The following CIP2A variants were observed in gnomAD, a reference collection of about 807,000 sequenced individuals.
CIP2A encodes the protein protein CIP2A.
CIP2A carries 103 observed loss-of-function variants against 110.9 expected under a neutral mutation model. The ratio of observed to expected loss-of-function variants is 0.93; its 90% CI spans 0.79 to 1.09. CIP2A has a LOEUF of 1.09. Among genes scored for constraint, CIP2A ranks in the 50% least tolerant of loss-of-function variants. The pLI, the probability that CIP2A is intolerant of heterozygous loss-of-function variation, is 0.00. For synonymous variants in CIP2A, 381 were observed against 361.6 expected, an observed-to-expected ratio of 1.05 and a Z score of -0.61; for missense variants, 1,088 against 1,038.4, an observed-to-expected ratio of 1.05 and a Z score of -0.66.
At chr3:108,585,665 C>T (rs540638314) in intron 1 of CIP2A, 97 of 455,746 alleles carry the variant, frequency 2.1e-4, no homozygotes, top group Non-Finnish European at 3.7e-4. Context: ...ATTCTACTTA[C>T]TTTGAGGGAG....
chr3:108,562,839 G>A (rs1480681796), intron 13 of CIP2A, among the ~76,000 whole-genome samples: 1 of 152,086 alleles, frequency 6.6e-6, no homozygotes, highest in Non-Finnish European at 1.5e-5. Context: ...GGAGGATGTA[G>A]GCTTAAGAGT....
At chr3:108,589,120 G>T (rs191981286) in intron 1 of CIP2A, among the ~76,000 whole-genome samples, 154 bp downstream of exon 1, 22 of 152,300 alleles carry the variant, frequency 1.4e-4, no homozygotes, top group Admixed American at 1.3e-3. Flanking sequence ...GCGGAACCCC[G>T]ACACTCACTA....
At position 108,583,037 on chromosome 3, in the gene CIP2A, C is replaced by T; in HGVS notation, c.297G>A (p.Leu99=). Residue 99 remains leucine (L), a synonymous_variant, in exon 3 of 21, where the codon CTG becomes CTA. Transcript: ENST00000295746. Reference sequence around the variant, plus strand: ...AAACCACTCCCGCCAGCACACTATTCAGATTATATGTATTCTGAAGACAAT... The same window carrying T: ...AAACCACTCCCGCCAGCACACTATTTAGATTATATGTATTCTGAAGACAAT... ...TRDCLQNTYN[L]NSVLAGVVCR... is the part of the protein sequence containing the mutation. The T allele has an allele frequency of 6.2e-7, 1 of 1,607,176 alleles. No individual in the cohort carries two copies. Among genetic ancestry groups the T allele is most frequent in the Non-Finnish European group, 8.5e-7 (1 of 1,176,688 alleles).
rs768832281 is a variant in CIP2A, at chr3:108,553,121, G to GT, written c.2407+526dup. Among the ~76,000 whole-genome samples the GT allele has an allele frequency of 1.4e-3, 91 of 67,166 alleles. 3 individuals carry two copies. The highest frequency in any genetic ancestry group is 4.8e-3 in the East Asian group (8 of 1,666). 44.1% of individuals were successfully genotyped at this position (67,166 alleles called of 152,430 possible). On this transcript the variant is annotated intron_variant, in intron 19 of 20. Coordinates refer to ENST00000295746, the MANE Select transcript of CIP2A (RefSeq NM_020890.3). Reference sequence around the variant, plus strand: ...AATGGTCAATCATCTCTTTCCTTTTGTTTTTTTTTTTTTTTTTTTTTTTTT... The same window carrying GT: ...AATGGTCAATCATCTCTTTCCTTTTGTTTTTTTTTTTTTTTTTTTTTTTTTT...
Position 108,551,138 on chromosome 3 carries a change from T to C in CIP2A, c.*11A>G. On this transcript the variant is annotated 3_prime_UTR_variant, in exon 21 of 21. Coordinates refer to ENST00000295746, the MANE Select transcript of CIP2A (RefSeq NM_020890.3). ...TATCATGAGATTACAAATTCCAAAA[T>C]GCCATAATGTCTATATACTGAGATT... The C allele has an allele frequency of 3.5e-6, 4 of 1,156,606 alleles. No homozygotes were observed. Among genetic ancestry groups the C allele is most frequent in the Non-Finnish European group, 4.4e-6 (4 of 908,336 alleles). 71.6% of individuals were successfully genotyped at this position (1,156,606 alleles called of 1,614,324 possible). A position where few individuals can be genotyped will look rare whatever the true frequency, so the allele number is the denominator to read the frequency against.
intron 16 of CIP2A, among the ~76,000 whole-genome samples, chr3:108,558,902 T>A (rs1209604685): frequency 6.6e-6 from 1 of 152,144 alleles, no homozygotes; most frequent in Non-Finnish European, 1.5e-5. Flanking sequence ...AATCCTTATA[T>A]GCCAAACTAA....
At position 108,579,320 on chromosome 3, in the gene CIP2A, T is replaced by A; in HGVS notation, c.779A>T (p.Asp260Val). ...TRKYSVDLLMDLLKNPKIADY... is the reference protein window; with the variant it reads ...TRKYSVDLLMVLLKNPKIADY... ...AGCAATTTTAGGATTCTTAAGGAGA[T>A]CCATCAGTAGGTCAACTGAATACTT... The change falls in exon 7 of 21, where the codon GAT becomes GTT. Residue 260 changes from aspartate (D) to valine (V), a missense_variant. Asp to Val is a radical substitution (Grantham distance 152, BLOSUM62 -3). Coordinates refer to ENST00000295746, the MANE Select transcript of CIP2A (RefSeq NM_020890.3). 6.2e-6 allele frequency: 10 copies of A among 1,609,600 alleles called. No individual in the cohort carries two copies. The highest frequency in any genetic ancestry group is 6.0e-6 in the Non-Finnish European group (7 of 1,176,288).
At chr3:108,571,455 A>G (rs1938400220) in intron 8 of CIP2A, among the ~76,000 whole-genome samples, 1 of 152,160 alleles carries the variant, frequency 6.6e-6, no homozygotes, top group African/African-American at 2.4e-5. Context: ...TATGTAATGC[A>G]TGACTATATT....
Position 108,569,539 on chromosome 3 carries a change from A to G in CIP2A, c.963T>C (p.Phe321=). 6.2e-7 allele frequency: 1 copy of G among 1,612,842 alleles called. No individual in the cohort carries two copies. The highest frequency in any genetic ancestry group is 1.1e-5 in the South Asian group (1 of 91,058). Residue 321 remains phenylalanine, a synonymous_variant, in exon 9 of 21, where the codon TTT becomes TTC. Coordinates refer to ENST00000295746, the MANE Select transcript of CIP2A (RefSeq NM_020890.3). ...TGGCGCTGCCAGGTGGAGACTGTTC[A>G]AACATCATCTGAGTGAGCATATGGC... ...QLRHMLTQMM[F]EQSPPGSATL...
intron 17 of CIP2A, 136 bp from the exon 18 acceptor site, chr3:108,554,625 G>T: frequency 1.9e-6 from 1 of 534,266 alleles, no homozygotes; most frequent in South Asian, 2.7e-5. Flanking sequence ...TTATGAACAA[G>T]CAGGACATAA....
At chr3:108,588,420 C>G (rs2107381590) in intron 1 of CIP2A, among the ~76,000 whole-genome samples, 2 of 152,156 alleles carry the variant, frequency 1.3e-5, no homozygotes, top group Middle Eastern at 3.4e-3. Flanking sequence ...TGCTGTTGCT[C>G]TACTACTGGA....
At position 108,550,483 on chromosome 3, in the gene CIP2A, A is replaced by G. The variant is rs937658938; in HGVS notation, c.*666T>C. The stretch of plus-strand genomic sequence containing the variant: ...CTTACAAATAATTCTACAAGTTCTT[A>G]GATTTTTTATGAGACAGCTATTGTG... On this transcript the variant is annotated 3_prime_UTR_variant, in exon 21 of 21. Coordinates refer to ENST00000295746, the MANE Select transcript of CIP2A (RefSeq NM_020890.3). 3 of 151,440 alleles carry G rather than the reference A, an allele frequency of 2.0e-5. No individual in the cohort carries two copies. Among genetic ancestry groups the G allele is most frequent in the African/African-American group, 7.2e-5 (3 of 41,434 alleles). 9.4% of individuals were successfully genotyped at this position (151,440 alleles called of 1,614,324 possible). A position where few individuals can be genotyped will look rare whatever the true frequency, so the allele number is the denominator to read the frequency against.
intron 5 of CIP2A, among the ~76,000 whole-genome samples, chr3:108,580,217 C>CTT (rs1462033677): frequency 2.0e-5 from 3 of 152,168 alleles, no homozygotes; most frequent in Non-Finnish European, 4.4e-5. Context: ...CAGCAATTAA[C>CTT]TTTGCCATAT....
chr3:108,583,195 CTA>C (rs778725595), intron 2 of CIP2A, 112 bp from the exon 3 acceptor site: 9 of 484,120 alleles, frequency 1.9e-5, no homozygotes, highest in Non-Finnish European at 3.2e-5. Flanking sequence ...TATGATATGG[CTA>C]TTTTCTTATT....
At chr3:108,582,674 C>T (rs1001571986) in intron 3 of CIP2A, among the ~76,000 whole-genome samples, 4 of 152,122 alleles carry the variant, frequency 2.6e-5, no homozygotes, top group Admixed American at 6.5e-5. Flanking sequence ...TGCCAACTCA[C>T]GTTACAATTT....
chr3:108,581,468 A>G lies in CIP2A; in HGVS notation c.496T>C (p.Leu166=), dbSNP rs1340864904. The change falls in exon 5 of 21, where the codon TTG becomes CTG. Residue 166 remains leucine, a synonymous_variant. Coordinates refer to ENST00000295746, the MANE Select transcript of CIP2A (RefSeq NM_020890.3). ...AGATTGTGCCGACAAAGATTTGCCA[A>G]TAATCCTAGACAAGGCATTTTTAAC... ...DELKMPCLGL[L]ANLCRHNLSV... The G allele has an allele frequency of 6.2e-7, 1 of 1,613,390 alleles. No homozygotes were observed. The highest frequency in any genetic ancestry group is 8.5e-7 in the Non-Finnish European group (1 of 1,179,476).
intron 19 of CIP2A, among the ~76,000 whole-genome samples, chr3:108,553,121 G>GTTTTTT (rs768832281): frequency 3.0e-5 from 2 of 67,156 alleles, no homozygotes; most frequent in Non-Finnish European, 5.3e-5. Context: ...CTTTCCTTTT[G>GTTTTTT]TTTTTTTTTT....
At position 108,559,812 on chromosome 3, in the gene CIP2A, T is replaced by G. The variant is rs1349079799; in HGVS notation, c.1958A>C (p.Gln653Pro). The G allele has an allele frequency of 6.2e-7, 1 of 1,605,884 alleles. No homozygotes were observed. Among genetic ancestry groups the G allele is most frequent in the Admixed American group, 1.7e-5 (1 of 59,842 alleles). ...ATGCTGAGCAATCAGTCTATCAGCCTGTGCAAGGGCTAGAGCTTTTGTTTC... is the reference window on the plus strand; with the variant it reads ...ATGCTGAGCAATCAGTCTATCAGCCGGTGCAAGGGCTAGAGCTTTTGTTTC... ...LLETKALALA[Q>P]ADRLIAQHRC... The change falls in exon 16 of 21, where the codon CAG (glutamine) becomes CCG (proline). Residue 653 changes from glutamine (Q) to proline (P), a missense_variant. Transcript: ENST00000295746.
rs375166090 is a variant in CIP2A at position 108,580,436 on chromosome 3, A to AACACACACACACACACACAC, written c.550-768_550-749dup. Among the ~76,000 whole-genome samples, 221 of 142,248 alleles carry AACACACACACACACACACAC rather than the reference A, an allele frequency of 1.6e-3. 3 individuals are homozygous for AACACACACACACACACACAC. Among genetic ancestry groups the AACACACACACACACACACAC allele is most frequent in the Admixed American group, 3.1e-3 (44 of 13,970 alleles). 93.3% of individuals were successfully genotyped at this position (142,248 alleles called of 152,430 possible). The stretch of plus-strand genomic sequence containing the variant: ...ACTTTTTTTTCAATTCAGAAATTGA[A>AACACACACACACACACACAC]ACACACACACACACACACACACACA... On this transcript the variant is annotated intron_variant, in intron 5 of 20. Coordinates refer to ENST00000295746, the MANE Select transcript of CIP2A (RefSeq NM_020890.3).
Sources: allele counts gnomAD v4.1 joint callset (sites outside exome capture counted in the v4.1 genomes callset), GRCh38; gene constraint gnomAD v4.1.1; transcripts MANE v1.5; gene names NCBI Gene and HGNC (gene_info 2026-07-23, HGNC 2026-07-21).